The following ZNF395 variants were observed in gnomAD, a reference collection of about 807,000 sequenced individuals.
The protein encoded by ZNF395 is zinc finger protein 395.
ZNF395 carries 20 observed loss-of-function variants against 57.7 expected under a neutral mutation model. The ratio of observed to expected loss-of-function variants is 0.35; its 90% CI spans 0.24 to 0.50. ZNF395 has a LOEUF of 0.50. Ranked by LOEUF, ZNF395 falls within the 20% of genes least tolerant of loss-of-function variation. The probability of loss-of-function intolerance (pLI) is 0.97; values close to 1 mark genes in which losing one functional copy is unlikely to be tolerated. For synonymous variants in ZNF395, 295 were observed against 275.9 expected, an observed-to-expected ratio of 1.07 and a Z score of -0.69; for missense variants, 606 against 671.2, an observed-to-expected ratio of 0.90 and a Z score of 1.07.
At chr8:28,373,013 G>A (rs145598897) in intron 1 of ZNF395, among the ~76,000 whole-genome samples, 1 of 152,198 alleles carries the variant, frequency 6.6e-6, no homozygotes, top group African/African-American at 2.4e-5. Context: ...ACATCAGCTG[G>A]AGACCAAAGA....
chr8:28,357,844 C>T (rs1033792191), intron 3 of ZNF395, among the ~76,000 whole-genome samples: 4 of 152,136 alleles, frequency 2.6e-5, no homozygotes, highest in Non-Finnish European at 5.9e-5. Flanking sequence ...GGTGTGACTG[C>T]TTGCACATCT....
chr8:28,386,211 C>A (rs1802178880), intron 1 of ZNF395, 182 bp downstream of exon 1: 1 of 150,388 alleles, frequency 6.6e-6, no homozygotes, highest in South Asian at 2.1e-4. Flanking sequence ...ACACTGCGCT[C>A]ACGTACGCGG....
intron 1 of ZNF395, among the ~76,000 whole-genome samples, chr8:28,368,889 G>A (rs1025325785): frequency 6.6e-6 from 1 of 151,962 alleles, no homozygotes; most frequent in African/African-American, 2.4e-5. Context: ...AGGTTGGGGT[G>A]CAGTGGCGCC....
intron 1 of ZNF395, among the ~76,000 whole-genome samples, chr8:28,372,112 C>G (rs1434291437): frequency 6.6e-6 from 1 of 152,134 alleles, no homozygotes; most frequent in African/African-American, 2.4e-5. Context: ...GACCTCACCA[C>G]TCTGTGCCTC....
At position 28,356,827 on chromosome 8, in the gene ZNF395, G is replaced by T; in HGVS notation, c.474-48C>A. The T allele has an allele frequency of 6.7e-7, 1 of 1,484,966 alleles. No homozygotes were observed. The highest frequency in any genetic ancestry group is 9.2e-7 in the Non-Finnish European group (1 of 1,084,934). The allele number at this position is 1,484,966 out of a possible 1,614,324, so 92.0% of individuals were successfully genotyped here. A position where few individuals can be genotyped will look rare whatever the true frequency, so the allele number is the denominator to read the frequency against. ...GAAATGTTACTTCCTGGCATGGCGG[G>T]CCCATGGTCCTTGCAAAACGAGACA... On this transcript the variant is annotated intron_variant, in intron 3 of 9. Coordinates refer to ENST00000344423, the MANE Select transcript of ZNF395 (RefSeq NM_018660.3). This position sits in a 1 kb window ranked among gnomAD's most constrained non-coding sequence, Gnocchi z 4.0.
intron 1 of ZNF395, among the ~76,000 whole-genome samples, chr8:28,373,456 G>A (rs767322517): frequency 6.6e-5 from 10 of 152,148 alleles, no homozygotes; most frequent in Admixed American, 3.9e-4. Flanking sequence ...CATTCTAGAT[G>A]CCTTTAAAGA....
intron 1 of ZNF395, among the ~76,000 whole-genome samples, chr8:28,372,379 C>A (rs1253558203): frequency 1.3e-5 from 2 of 152,146 alleles, no homozygotes; most frequent in Non-Finnish European, 2.9e-5. Flanking sequence ...ACACCAAATC[C>A]CGGGCAGTGA....
rs1346961363 is a variant in ZNF395 at position 28,364,761 on chromosome 8, T to C, written c.-58-3579A>G. Among the ~76,000 whole-genome samples, 4 of 151,120 alleles carry C rather than the reference T, an allele frequency of 2.6e-5. No homozygotes were observed. In the East Asian group the frequency reaches 7.8e-4, roughly 30 times the overall value. ...GCCTGGGAGACAGGCGGAGATTCCA[T>C]CTCAAAAAGATAAAAAGAAAAAATA... is the stretch of plus-strand genomic sequence containing the variant. On this transcript the variant is annotated intron_variant, in intron 1 of 9. Coordinates refer to ENST00000344423, the MANE Select transcript of ZNF395 (RefSeq NM_018660.3).
chr8:28,380,694 G>C (rs528574236), intron 1 of ZNF395, among the ~76,000 whole-genome samples: 1 of 152,206 alleles, frequency 6.6e-6, no homozygotes, highest in East Asian at 1.9e-4. Context: ...TACCATAGTT[G>C]CTGCACTATT....
chr8:28,368,906 G>C (rs572822862), intron 1 of ZNF395, among the ~76,000 whole-genome samples: 2 of 152,092 alleles, frequency 1.3e-5, no homozygotes, highest in East Asian at 3.9e-4. Flanking sequence ...CGCCATCTCG[G>C]CTCACTGCAG....
At chr8:28,371,389 A>C (rs1219080138) in intron 1 of ZNF395, among the ~76,000 whole-genome samples, 1 of 152,116 alleles carries the variant, frequency 6.6e-6, no homozygotes, top group Non-Finnish European at 1.5e-5. Context: ...CCATGTTGCC[A>C]AGGCTTTTCT....
chr8:28,363,933 C>T (rs1415960342), intron 1 of ZNF395, among the ~76,000 whole-genome samples: 1 of 152,128 alleles, frequency 6.6e-6, no homozygotes, highest in African/African-American at 2.4e-5. Flanking sequence ...CCTCCTGTCC[C>T]CTTTCTCCTT....
intron 1 of ZNF395, among the ~76,000 whole-genome samples, chr8:28,369,627 C>T (rs3735733): frequency 0.038 from 5,829 of 152,324 alleles, 326 homozygotes; most frequent in African/African-American, 0.12. Context: ...GGTCTCTTTC[C>T]TGCTCTGTTC....
chr8:28,371,628 G>A (rs1032429122), intron 1 of ZNF395, among the ~76,000 whole-genome samples: 5 of 152,162 alleles, frequency 3.3e-5, no homozygotes, highest in South Asian at 4.1e-4. Flanking sequence ...GGCATGGAAC[G>A]GGAAATGTGC....
chr8:28,362,735 A>C (rs1456230853), intron 1 of ZNF395, among the ~76,000 whole-genome samples: 1 of 152,236 alleles, frequency 6.6e-6, no homozygotes, highest in Non-Finnish European at 1.5e-5. Flanking sequence ...AAATCATTCC[A>C]GCAAGGTATG....
intron 1 of ZNF395, among the ~76,000 whole-genome samples, chr8:28,363,111 G>GT (rs1209830809): frequency 6.6e-6 from 1 of 150,552 alleles, no homozygotes; most frequent in South Asian, 2.1e-4. Flanking sequence ...AGCTAAATTG[G>GT]TTGTTTTTTT....
intron 1 of ZNF395, among the ~76,000 whole-genome samples, chr8:28,379,858 A>AAAAAAAAAAAAAG (rs1802088505): frequency 1.3e-5 from 2 of 151,370 alleles, no homozygotes; most frequent in African/African-American, 4.9e-5. Flanking sequence ...AAAAAAAAAA[A>AAAAAAAAAAAAAG]GCTGCATGCC....
chr8:28,352,518 G>T lies in ZNF395; in HGVS notation c.920+55C>A. 6.6e-7 allele frequency: 1 copy of T among 1,509,834 alleles called. No individual in the cohort carries two copies. Among genetic ancestry groups the T allele is most frequent in the Non-Finnish European group, 9.2e-7 (1 of 1,088,902 alleles). 93.5% of individuals were successfully genotyped at this position (1,509,834 alleles called of 1,614,324 possible). A position where few individuals can be genotyped will look rare whatever the true frequency, so the allele number is the denominator to read the frequency against. On this transcript the variant is annotated intron_variant, in intron 6 of 9. Coordinates refer to ENST00000344423, the MANE Select transcript of ZNF395 (RefSeq NM_018660.3). The surrounding 1 kb of genome is among the most constrained non-coding windows in gnomAD (Gnocchi z 4.0). ...GCTGTGGGTCACAGGGACTCGGCAG[G>T]GTGGAGGGACACCCACACGCGACCC...
chr8:28,369,653 T>A (rs1801954007), intron 1 of ZNF395, among the ~76,000 whole-genome samples: 1 of 152,186 alleles, frequency 6.6e-6, no homozygotes, highest in Admixed American at 6.5e-5. Flanking sequence ...AGCCTGAATC[T>A]CAGCCTTGGG....
Sources: allele counts gnomAD v4.1 joint callset (sites outside exome capture counted in the v4.1 genomes callset), GRCh38; gene constraint gnomAD v4.1.1; non-coding constraint Gnocchi (gnomAD v3.1); transcripts MANE v1.5; gene names NCBI Gene and HGNC (gene_info 2026-07-23, HGNC 2026-07-21).